FYN: variants seen among roughly 807,000 people sequenced by gnomAD.
FYN encodes tyrosine-protein kinase Fyn.
FYN carries 10 observed loss-of-function variants against 70.2 expected under a neutral mutation model. The ratio of observed to expected loss-of-function variants is 0.14; its 90% CI spans 0.09 to 0.24. FYN has a LOEUF of 0.24. FYN is among the 10% of genes least tolerant of loss of function. FYN has a pLI of 1.00. For missense variants in FYN, 319 were observed against 673.1 expected (o/e 0.47, Z 5.82); for synonymous variants, 236 against 248.6 (o/e 0.95, Z 0.48).
At chr6:111,738,100 T>A (rs1006513763) in intron 3 of FYN, among the ~76,000 whole-genome samples, 2 of 152,182 alleles carry the variant, frequency 1.3e-5, no homozygotes, top group African/African-American at 4.8e-5. Context: ...CTGGCAGAAT[T>A]TTCAGTCTGT....
intron 3 of FYN, among the ~76,000 whole-genome samples, chr6:111,739,609 A>G (rs982221225): frequency 1.3e-5 from 2 of 152,152 alleles, no homozygotes; most frequent in Non-Finnish European, 2.9e-5. Context: ...CCACTCCATC[A>G]GTTTTGAGGC....
chr6:111,738,358 C>T (rs1442621512), intron 3 of FYN, among the ~76,000 whole-genome samples: 4 of 152,178 alleles, frequency 2.6e-5, no homozygotes, highest in Non-Finnish European at 5.9e-5. Context: ...GTGATGTTAC[C>T]TCCTCCCCTG....
intron 12 of FYN, among the ~76,000 whole-genome samples, chr6:111,692,674 G>T (rs1023682312): frequency 1.3e-5 from 2 of 152,184 alleles, no homozygotes; most frequent in Non-Finnish European, 2.9e-5. Flanking sequence ...CACACAGAAG[G>T]GTGAGCACAC....
Position 111,707,976 on chromosome 6 carries a change from G to A in FYN, c.389C>T (p.Thr130Ile). The change falls in exon 6 of 14, where the codon ACA becomes ATA. Residue 130 changes from threonine to isoleucine, a missense_variant. Transcript: ENST00000354650. The part of the protein sequence containing the change: ...WEARSLTTGE[T>I]GYIPSNYVAP... ...CACATAATTGCTGGGAATGTAACCT[G>A]TCTCTCCAGTTGTCAAGGAGCGGGC... The A allele has an allele frequency of 1.2e-6, 2 of 1,614,060 alleles. No homozygotes were observed. The highest frequency in any genetic ancestry group is 1.7e-6 in the Non-Finnish European group (2 of 1,179,946).
At chr6:111,813,146 A>G (rs895421191) in intron 2 of FYN, among the ~76,000 whole-genome samples, 1 of 152,224 alleles carries the variant, frequency 6.6e-6, no homozygotes, top group Non-Finnish European at 1.5e-5. Context: ...TAATTTCTAA[A>G]ATACAAAGTT....
chr6:111,719,142 T>C (rs1314050647), intron 4 of FYN, among the ~76,000 whole-genome samples: 1 of 152,192 alleles, frequency 6.6e-6, no homozygotes, highest in Non-Finnish European at 1.5e-5. Flanking sequence ...ATGGTTCACA[T>C]ACTCAGAGAA....
chr6:111,818,930 T>C (rs1772574880), intron 2 of FYN, among the ~76,000 whole-genome samples: 1 of 152,224 alleles, frequency 6.6e-6, no homozygotes, highest in South Asian at 2.1e-4. Context: ...CATCCGGCTA[T>C]GCTTCACCCC....
chr6:111,840,548 T>A (rs1773326259), intron 2 of FYN, among the ~76,000 whole-genome samples: 1 of 152,222 alleles, frequency 6.6e-6, no homozygotes, highest in Admixed American at 6.5e-5. Context: ...AAATCTCTGT[T>A]GTTTTTAGCC....
intron 3 of FYN, among the ~76,000 whole-genome samples, chr6:111,756,956 C>T (rs973129455): frequency 1.3e-5 from 2 of 152,130 alleles, no homozygotes; most frequent in African/African-American, 4.8e-5. Flanking sequence ...TCCCCGCTAT[C>T]CCTACTTCCT....
intron 2 of FYN, among the ~76,000 whole-genome samples, chr6:111,815,827 C>T (rs1381411241): frequency 3.3e-5 from 5 of 151,936 alleles, no homozygotes; most frequent in Non-Finnish European, 7.4e-5. Flanking sequence ...AACAATCCTC[C>T]CACCTCAGCC....
At chr6:111,779,120 CATTTTT>C (rs979131329) in intron 3 of FYN, among the ~76,000 whole-genome samples, 2 of 112,506 alleles carry the variant, frequency 1.8e-5, no homozygotes, top group South Asian at 3.1e-4. Context: ...CAGTAGGAGA[CATTTTT>C]TTTTTTTTTT....
At chr6:111,768,118 T>C (rs1803305172) in intron 3 of FYN, among the ~76,000 whole-genome samples, 1 of 152,232 alleles carries the variant, frequency 6.6e-6, no homozygotes, top group African/African-American at 2.4e-5. Context: ...TATGTGTGTG[T>C]GCACACATGC....
intron 3 of FYN, among the ~76,000 whole-genome samples, chr6:111,777,392 A>T (rs1288938350): frequency 6.6e-6 from 1 of 151,816 alleles, no homozygotes; most frequent in African/African-American, 2.4e-5. Context: ...GTACTTTATA[A>T]ATATTTACAC....
chr6:111,795,729 T>C (rs1771783879), intron 2 of FYN, among the ~76,000 whole-genome samples: 1 of 152,178 alleles, frequency 6.6e-6, no homozygotes, highest in South Asian at 2.1e-4. Flanking sequence ...GCACTTTGCA[T>C]ATATTATCTC....
At chr6:111,851,154 C>G (rs1168684919) in intron 1 of FYN, among the ~76,000 whole-genome samples, 1 of 152,068 alleles carries the variant, frequency 6.6e-6, no homozygotes, top group Non-Finnish European at 1.5e-5. Context: ...GGGGAAGACT[C>G]TAGTCTAGTA....
chr6:111,730,470 G>GCT (rs2128470406), intron 3 of FYN, among the ~76,000 whole-genome samples: 1 of 152,316 alleles, frequency 6.6e-6, no homozygotes, highest in South Asian at 2.1e-4. Context: ...GTCTGTAGGA[G>GCT]CTCTCTGTGA....
chr6:111,862,203 A>C (rs1773983218), intron 1 of FYN, among the ~76,000 whole-genome samples: 1 of 152,122 alleles, frequency 6.6e-6, no homozygotes. Context: ...CTTGGATGTC[A>C]TTTCCTTTCT....
At chr6:111,686,149 C>A (rs1798992530) in intron 12 of FYN, among the ~76,000 whole-genome samples, 1 of 152,066 alleles carries the variant, frequency 6.6e-6, no homozygotes, top group Non-Finnish European at 1.5e-5. Flanking sequence ...CATTTCCCTG[C>A]CAATTTGACC....
intron 3 of FYN, among the ~76,000 whole-genome samples, chr6:111,735,815 A>T (rs1801684462): frequency 6.6e-6 from 1 of 152,198 alleles, no homozygotes; most frequent in Non-Finnish European, 1.5e-5. Flanking sequence ...ATCATCCCCA[A>T]CTGTGGCAAA....
Sources: allele counts gnomAD v4.1 joint callset (sites outside exome capture counted in the v4.1 genomes callset), GRCh38; gene constraint gnomAD v4.1.1; transcripts MANE v1.5; gene names NCBI Gene and HGNC (gene_info 2026-07-23, HGNC 2026-07-21).